Variants in CSMD1 observed in about 807,000 individuals in gnomAD.
The protein encoded by CSMD1 is CUB and sushi domain-containing protein 1.
CSMD1 carries 213 observed loss-of-function variants against 417.5 expected under a neutral mutation model. The ratio of observed to expected loss-of-function variants is 0.51; its 90% CI spans 0.46 to 0.57. CSMD1 has a LOEUF of 0.57. Among genes scored for constraint, CSMD1 ranks in the 20% least tolerant of loss-of-function variants. The pLI is 0.00. For synonymous variants in CSMD1, 2,862 were observed against 1,736.8 expected (o/e 1.65, Z -16.11); for missense variants, 6,923 against 4,529.7 (o/e 1.53, Z -15.17).
intron 3 of CSMD1, among the ~76,000 whole-genome samples, chr8:4,230,245 T>C (rs1714675): frequency 6.6e-6 from 1 of 152,136 alleles, no homozygotes; most frequent in Non-Finnish European, 1.5e-5. Flanking sequence ...TGCTCTACAA[T>C]AGATTTATAT....
intron 18 of CSMD1, among the ~76,000 whole-genome samples, chr8:3,374,856 C>G (rs1305951546): frequency 1.3e-5 from 2 of 152,134 alleles, no homozygotes; most frequent in Non-Finnish European, 2.9e-5. Flanking sequence ...CTTCCCCAGA[C>G]CCTGCCAAAG....
intron 5 of CSMD1, among the ~76,000 whole-genome samples, chr8:3,900,451 A>G (rs964195817): frequency 1.2e-4 from 18 of 146,984 alleles, no homozygotes; most frequent in African/African-American, 2.6e-4. Flanking sequence ...GCACAGCTGC[A>G]TAACAGTGCA....
At chr8:3,846,254 C>T (rs936360316) in intron 5 of CSMD1, among the ~76,000 whole-genome samples, 4 of 152,116 alleles carry the variant, frequency 2.6e-5, no homozygotes, top group African/African-American at 7.2e-5. Context: ...CAATGCACCA[C>T]GCTATGGCAT....
chr8:4,506,796 A>G (rs1180374522), intron 2 of CSMD1, among the ~76,000 whole-genome samples: 1 of 152,226 alleles, frequency 6.6e-6, no homozygotes, highest in Non-Finnish European at 1.5e-5. Context: ...AGCCACCTCT[A>G]ATTTACAGAA....
chr8:4,294,857 A>C (rs889283609), intron 3 of CSMD1, among the ~76,000 whole-genome samples: 3 of 151,882 alleles, frequency 2.0e-5, no homozygotes, highest in Admixed American at 6.6e-5. Context: ...TAATTCCAGA[A>C]AACTTTGTCT....
chr8:3,340,249 T>C (rs560590534), intron 23 of CSMD1, among the ~76,000 whole-genome samples: 14 of 152,284 alleles, frequency 9.2e-5, no homozygotes, highest in Non-Finnish European at 1.5e-4. Context: ...TTTTAATTCA[T>C]AAAGAAGAGT....
chr8:4,181,022 C>T (rs934863525), intron 3 of CSMD1, among the ~76,000 whole-genome samples: 1 of 152,004 alleles, frequency 6.6e-6, no homozygotes, highest in African/African-American at 2.4e-5. Flanking sequence ...CAAAAAAGTC[C>T]AGCTGAAAAA....
At chr8:3,835,083 G>T (rs939692857) in intron 5 of CSMD1, among the ~76,000 whole-genome samples, 2 of 150,410 alleles carry the variant, frequency 1.3e-5, no homozygotes, top group African/African-American at 2.5e-5. Flanking sequence ...TGCTGGAGAG[G>T]ATGTAGAGAA....
chr8:3,395,376 T>C (rs2116850322), intron 17 of CSMD1, among the ~76,000 whole-genome samples: 1 of 152,288 alleles, frequency 6.6e-6, no homozygotes, highest in East Asian at 1.9e-4. Context: ...TAACAGCTGC[T>C]TTGCTTTGTT....
intron 1 of CSMD1, among the ~76,000 whole-genome samples, chr8:4,903,009 TAATAAATA>T (rs3038343): frequency 0.012 from 1,703 of 144,402 alleles, 17 homozygotes; most frequent in South Asian, 0.043. Context: ...ATAATATTAA[TAATAAATA>T]AATAAATAAA....
chr8:3,878,008 T>A (rs1003228889), intron 5 of CSMD1, among the ~76,000 whole-genome samples: 2 of 152,090 alleles, frequency 1.3e-5, no homozygotes, highest in Non-Finnish European at 2.9e-5. Context: ...TGATAAAACT[T>A]TCCAAAGATA....
chr8:4,080,465 G>C (rs1397061042), intron 3 of CSMD1, among the ~76,000 whole-genome samples: 2 of 152,132 alleles, frequency 1.3e-5, no homozygotes, highest in Non-Finnish European at 2.9e-5. Flanking sequence ...GATCAATAAG[G>C]TTTTATTAAG....
At chr8:4,716,173 T>C (rs753785953) in intron 1 of CSMD1, among the ~76,000 whole-genome samples, 3 of 152,020 alleles carry the variant, frequency 2.0e-5, no homozygotes, top group Non-Finnish European at 2.9e-5. Flanking sequence ...CAGCGAGGAA[T>C]CCCCCTGAGC....
chr8:3,100,095 A>T (rs1457084284), intron 46 of CSMD1, among the ~76,000 whole-genome samples: 1 of 152,100 alleles, frequency 6.6e-6, no homozygotes, highest in Non-Finnish European at 1.5e-5. Context: ...CACCCAAGCC[A>T]GGCTGGAGGG....
Position 4,445,124 on chromosome 8 carries a change from T to C in CSMD1, c.303-25059A>G, listed in dbSNP as rs73660830. Among the ~76,000 whole-genome samples, 995 of 152,342 alleles carry C rather than the reference T, an allele frequency of 6.5e-3. 13 individuals are homozygous for C. Among genetic ancestry groups the C allele is most frequent in the African/African-American group, 0.023 (948 of 41,566 alleles). On this transcript the variant is annotated intron_variant, in intron 2 of 69. Coordinates refer to ENST00000635120, the MANE Select transcript of CSMD1 (RefSeq NM_033225.6). ...CAACAAAAAAAGTATGACTGGATAGTAGATACAGTGCTGTTTTAAGATTGG... is the reference window on the plus strand; with the variant it reads ...CAACAAAAAAAGTATGACTGGATAGCAGATACAGTGCTGTTTTAAGATTGG...
chr8:4,622,401 C>G (rs1054693895), intron 2 of CSMD1, among the ~76,000 whole-genome samples: 1 of 152,022 alleles, frequency 6.6e-6, no homozygotes, highest in Admixed American at 6.6e-5. Context: ...GACCTTCTGG[C>G]GAGCTACCCG....
chr8:4,006,645 A>G (rs1209089523), intron 4 of CSMD1, among the ~76,000 whole-genome samples: 1 of 152,192 alleles, frequency 6.6e-6, no homozygotes, highest in Non-Finnish European at 1.5e-5. Flanking sequence ...AAGAGAGGGA[A>G]CAGCACTTGT....
At position 4,730,075 on chromosome 8, in the gene CSMD1, A is replaced by T. The variant is rs114439187; in HGVS notation, c.86-92517T>A. Among the ~76,000 whole-genome samples the T allele has an allele frequency of 4.7e-3, 716 of 152,230 alleles. 5 individuals are homozygous for T. The highest frequency in any genetic ancestry group is 0.017 in the African/African-American group (692 of 41,536). ...TCAGAATGGCCAGAGAACAAAATAA[A>T]TTGTATGACATCTTTATTACCCCTT... On this transcript the variant is annotated intron_variant, in intron 1 of 69. Coordinates refer to ENST00000635120, the MANE Select transcript of CSMD1 (RefSeq NM_033225.6).
Position 2,954,750 on chromosome 8 carries a change from G to A in CSMD1, c.9995-482C>T, listed in dbSNP as rs1247130117. 3.3e-5 allele frequency among the ~76,000 whole-genome samples: 5 copies of A among 152,136 alleles called. No homozygotes were observed. In the South Asian group the frequency reaches 6.2e-4, roughly 19 times the overall value. Reference sequence around the variant, plus strand: ...TTTTGGTCTATCAAGTTAGATTTACGTCATAATTTCTTAGCTTTCACAGTT... The same window carrying A: ...TTTTGGTCTATCAAGTTAGATTTACATCATAATTTCTTAGCTTTCACAGTT... On this transcript the variant is annotated intron_variant, in intron 64 of 69. Coordinates refer to ENST00000635120, the MANE Select transcript of CSMD1 (RefSeq NM_033225.6).
Sources: gnomAD v4.1 joint callset for allele counts (sites outside exome capture counted in the v4.1 genomes callset) on GRCh38, gnomAD v4.1.1 for gene constraint, MANE v1.5 for transcripts, NCBI Gene and HGNC (gene_info 2026-07-23, HGNC 2026-07-21) for gene names.